Variants in BMP2K observed in about 807,000 individuals in gnomAD.
BMP2K encodes the protein BMP2 inducible kinase.
BMP2K carries 74 observed loss-of-function variants against 116.0 expected under a neutral mutation model. The observed-to-expected ratio is 0.64, with a 90% confidence interval of 0.53 to 0.77. The LOEUF (loss-of-function observed/expected upper bound fraction) is 0.77. Ranked by LOEUF, BMP2K falls within the 30% of genes least tolerant of loss-of-function variation. The pLI is 0.00. For missense variants in BMP2K, 1,365 were observed against 1,403.6 expected, an observed-to-expected ratio of 0.97 and a Z score of 0.44; for synonymous variants, 486 against 502.5, an observed-to-expected ratio of 0.97 and a Z score of 0.44.
At chr4:78,910,523 T>C (rs1734532053) in intron 15 of BMP2K, 87 bp from the exon 16 acceptor site, 2 of 1,086,108 alleles carry the variant, frequency 1.8e-6, no homozygotes, top group Non-Finnish European at 2.6e-6. Context: ...GGATTTGTAA[T>C]GCCATGTGTA....
rs781020108 is a variant in BMP2K at position 78,842,446 on chromosome 4, G to A, written c.465G>A (p.Val155=). The A allele has an allele frequency of 3.7e-6, 6 of 1,608,852 alleles. No homozygotes were observed. In the Admixed American group the frequency reaches 8.3e-5, roughly 22 times the overall value. The part of the protein sequence containing the change: ...KLQTGFTEPE[V]LQIFCDTCEA... ...AGACGGGTTTTACAGAACCAGAAGT[G>A]TTACAGATATTCTGTGATACCTGTG... The change falls in exon 4 of 16, where the codon GTG becomes GTA. Residue 155 remains valine, a synonymous_variant. Transcript: ENST00000502613.
At chr4:78,908,132 C>T in intron 15 of BMP2K, among the ~76,000 whole-genome samples, 1 of 152,158 alleles carries the variant, frequency 6.6e-6, no homozygotes, top group East Asian at 1.9e-4. Flanking sequence ...ACAAATACAG[C>T]ATGTAGCTCT....
chr4:78,833,920 A>G (rs530933171), intron 3 of BMP2K, among the ~76,000 whole-genome samples: 1 of 152,234 alleles, frequency 6.6e-6, no homozygotes, highest in Non-Finnish European at 1.5e-5. Flanking sequence ...TATTGAGTTT[A>G]AAATAGGAAA....
At chr4:78,887,848 A>AT (rs1733183734) in intron 15 of BMP2K, among the ~76,000 whole-genome samples, 1 of 152,218 alleles carries the variant, frequency 6.6e-6, no homozygotes, top group South Asian at 2.1e-4. Flanking sequence ...ATTTTCATGT[A>AT]TGTATGGTTA....
chr4:78,863,025 A>T (rs1004903410), intron 9 of BMP2K, among the ~76,000 whole-genome samples: 6 of 152,152 alleles, frequency 3.9e-5, no homozygotes, highest in South Asian at 4.1e-4. Context: ...GCAGATTTTT[A>T]AAAAAAGCGT....
intron 1 of BMP2K, among the ~76,000 whole-genome samples, chr4:78,785,693 G>A (rs988350147): frequency 2.0e-5 from 3 of 152,162 alleles, no homozygotes; most frequent in African/African-American, 7.2e-5. Flanking sequence ...TACTTTCTCT[G>A]ATGAAGTTTA....
At chr4:78,870,634 C>A in intron 10 of BMP2K, 149 bp from the exon 11 acceptor site, 1 of 1,098,042 alleles carries the variant, frequency 9.1e-7, no homozygotes, top group Non-Finnish European at 1.3e-6. Flanking sequence ...AAGTAAATCC[C>A]TATAAACTCT....
intron 7 of BMP2K, among the ~76,000 whole-genome samples, chr4:78,853,957 A>G (rs1731379302): frequency 6.6e-6 from 1 of 152,122 alleles, no homozygotes; most frequent in African/African-American, 2.4e-5. Flanking sequence ...ATGCTGTCAG[A>G]CACTTACTAG....
intron 1 of BMP2K, among the ~76,000 whole-genome samples, chr4:78,789,613 C>G (rs1212020048): frequency 6.6e-6 from 1 of 152,304 alleles, no homozygotes; most frequent in East Asian, 1.9e-4. Context: ...AGCTTTTCTG[C>G]TTTGTATTTT....
chr4:78,796,739 C>T (rs574818550), intron 1 of BMP2K, among the ~76,000 whole-genome samples: 2 of 152,016 alleles, frequency 1.3e-5, no homozygotes, highest in African/African-American at 4.8e-5. Context: ...AGTTGTGTAA[C>T]GGATGATTGT....
rs558119578 is a variant in BMP2K, at chr4:78,801,937, A to T, written c.179-24100A>T. 7.2e-5 allele frequency among the ~76,000 whole-genome samples: 11 copies of T among 152,116 alleles called. No individual in the cohort carries two copies. The South Asian group carries it at 1.2e-3, about 17-fold the overall frequency. ...GTGTTTAACAGCTATGATCTTTGTG[A>T]CTCTTTCTTGTATGTTGAGAAAGAA... On this transcript the variant is annotated intron_variant, in intron 1 of 15. Transcript: ENST00000502613.
At chr4:78,885,811 C>G (rs1733048317) in intron 14 of BMP2K, among the ~76,000 whole-genome samples, 1 of 152,114 alleles carries the variant, frequency 6.6e-6, no homozygotes, top group African/African-American at 2.4e-5. Flanking sequence ...AGACATCCTA[C>G]AAAAATCAGG....
chr4:78,861,402 C>G lies in BMP2K; in HGVS notation c.1001C>G (p.Pro334Arg). ...PVSNINNSSIPSALPEPMTAS... is the reference protein window; with the variant it reads ...PVSNINNSSIRSALPEPMTAS... ...TTTTCTTCCAAGAATTCTTCTATTC[C>G]TTCAGCTCTTCCTGAACCGATGACT... Residue 334 changes from proline (P) to arginine (R), a missense_variant, in exon 9 of 16, where the codon CCT becomes CGT. By Grantham distance (103) the Pro-to-Arg change is moderately radical. Around this residue, in one of 3 missense-constraint regions of BMP2K, gnomAD observed 762 missense variants for 756.7 expected, o/e 1.01. Transcript: ENST00000502613. 6.2e-7 allele frequency: 1 copy of G among 1,601,500 alleles called. No individual in the cohort carries two copies. Among genetic ancestry groups the G allele is most frequent in the Non-Finnish European group, 8.5e-7 (1 of 1,173,450 alleles).
intron 7 of BMP2K, among the ~76,000 whole-genome samples, chr4:78,855,220 C>T (rs1043789808): frequency 2.0e-5 from 3 of 152,056 alleles, no homozygotes; most frequent in African/African-American, 7.2e-5. Context: ...GTTTCTATAA[C>T]AATGTCTGTA....
chr4:78,864,019 G>A (rs1195880515), intron 9 of BMP2K, among the ~76,000 whole-genome samples: 2 of 152,110 alleles, frequency 1.3e-5, no homozygotes, highest in African/African-American at 4.8e-5. Context: ...ATTCTTTGAA[G>A]ACAGGGTGTT....
intron 7 of BMP2K, among the ~76,000 whole-genome samples, chr4:78,854,937 T>A (rs946600931): frequency 2.0e-5 from 3 of 151,764 alleles, no homozygotes; most frequent in African/African-American, 7.3e-5. Context: ...AAAAAAAAAA[T>A]AGCTACTTAA....
chr4:78,872,074 CAAA>C, intron 12 of BMP2K, 126 bp downstream of exon 12: 1 of 698,548 alleles, frequency 1.4e-6, no homozygotes, highest in Non-Finnish European at 2.3e-6. Context: ...TGTATTTTAT[CAAA>C]GCCAGTCATA....
chr4:78,861,737 A>G (rs181472392), intron 9 of BMP2K, among the ~76,000 whole-genome samples: 38 of 152,060 alleles, frequency 2.5e-4, no homozygotes, highest in African/African-American at 8.9e-4. Context: ...TTTTTTGGAC[A>G]GGATTTGTCA....
intron 1 of BMP2K, among the ~76,000 whole-genome samples, chr4:78,805,645 T>C (rs1332047751): frequency 1.3e-5 from 2 of 152,166 alleles, no homozygotes; most frequent in Admixed American, 6.5e-5. Flanking sequence ...TCTTAATTTA[T>C]TTCAGATTGT....
Sources: gnomAD v4.1 joint callset for allele counts (sites outside exome capture counted in the v4.1 genomes callset) on GRCh38, gnomAD v4.1.1 for gene constraint, gnomAD v4.1.1 regional missense constraint, MANE v1.5 for transcripts, NCBI Gene and HGNC (gene_info 2026-07-23, HGNC 2026-07-21) for gene names.